The following KIF27 variants were observed in gnomAD, a reference collection of about 807,000 sequenced individuals.
KIF27 encodes kinesin-like protein KIF27.
KIF27 carries 84 observed loss-of-function variants against 141.8 expected under a neutral mutation model. The observed-to-expected ratio is 0.59, with a 90% CI of 0.50 to 0.71. The LOEUF is 0.71. Ranked by LOEUF, KIF27 falls within the 30% of genes least tolerant of loss-of-function variation. The pLI is 0.00. For missense variants in KIF27, 1,306 were observed against 1,628.4 expected (o/e 0.80, Z 3.41); for synonymous variants, 471 against 569.5 (o/e 0.83, Z 2.46).
Position 83,908,534 on chromosome 9 carries a change from G to A in KIF27, c.417C>T (p.Tyr139=), listed in dbSNP as rs1335821601. ...CTAGAAGATCTCTTAGGTCTTCCTT[G>A]TACACTTCTATATAAGATACTTTTA... ...FNVKVSYIEV[Y]KEDLRDLLEL... The change falls in exon 3 of 18, where the codon TAC becomes TAT. Residue 139 remains tyrosine, a synonymous_variant. Transcript: ENST00000297814. 1 of 1,610,052 alleles carries A rather than the reference G, an allele frequency of 6.2e-7. No homozygotes were observed. The highest frequency in any genetic ancestry group is 1.7e-5 in the Admixed American group (1 of 59,944).
chr9:83,887,576 T>C (rs1360361383), intron 8 of KIF27, among the ~76,000 whole-genome samples: 2 of 152,176 alleles, frequency 1.3e-5, no homozygotes, highest in Admixed American at 6.5e-5. Flanking sequence ...ATGCAGACTA[T>C]ACCAGGCTAC....
At chr9:83,872,375 T>C (rs1950868948) in intron 11 of KIF27, among the ~76,000 whole-genome samples, 1 of 152,064 alleles carries the variant, frequency 6.6e-6, no homozygotes, top group South Asian at 2.1e-4. Flanking sequence ...GGTTTAGAAA[T>C]GATGTTGTCC....
At chr9:83,899,930 A>G (rs1221800454) in intron 4 of KIF27, 126 bp from the exon 5 acceptor site, 2 of 706,296 alleles carry the variant, frequency 2.8e-6, no homozygotes, top group Admixed American at 3.2e-5. Context: ...TTTCATTTTC[A>G]ACTTTTTCTG....
chr9:83,859,283 C>A lies in KIF27; in HGVS notation c.3023G>T (p.Ser1008Ile). The A allele has an allele frequency of 6.2e-7, 1 of 1,614,040 alleles. No homozygotes were observed. The highest frequency in any genetic ancestry group is 8.5e-7 in the Non-Finnish European group (1 of 1,179,944). The change falls in exon 14 of 18, where the codon AGT becomes ATT. Residue 1008 changes from serine to isoleucine, a missense_variant. Physicochemically the swap from Ser to Ile is moderately radical, Grantham distance 142. This residue lies in a region of KIF27 where 596 missense variants were observed against 751.6 expected (regional missense o/e 0.79). Transcript: ENST00000297814. ...AATCTTTGTTTTCTCCTCAGCTGTA[C>A]TGGTCTGGAGCTGCACATTCTTTTC... ...LSEKNVQLQTSTAEEKTKISE... is the reference protein window; with the variant it reads ...LSEKNVQLQTITAEEKTKISE...
chr9:83,883,559 G>C (rs1951846155), intron 10 of KIF27, among the ~76,000 whole-genome samples: 1 of 152,152 alleles, frequency 6.6e-6, no homozygotes, highest in Non-Finnish European at 1.5e-5. Context: ...AATAAACACT[G>C]TTTCGTGGTT....
rs1255809372 is a variant in KIF27 at position 83,848,191 on chromosome 9, T to TCTG, written c.3556+1907_3556+1908insCAG. Among the ~76,000 whole-genome samples, 120 of 94,308 alleles carry TCTG rather than the reference T, an allele frequency of 1.3e-3. 23 individuals carry two copies. Among genetic ancestry groups the TCTG allele is most frequent in the East Asian group, 8.9e-3 (31 of 3,496 alleles). The allele number at this position is 94,308 out of a possible 152,430, so 61.9% of individuals were successfully genotyped here. On this transcript the variant is annotated intron_variant, in intron 16 of 17. Transcript: ENST00000297814. ...TATCTGATATATCATATATGATATA[T>TCTG]ATGATATATCAGATATGATATATAT...
In KIF27 at chr9:83,904,001, C is replaced by A; in HGVS notation, c.517G>T (p.Glu173Ter). The change falls in exon 4 of 18, where the codon GAA becomes TAA. Residue 173 changes from glutamate to a stop codon, truncating the protein, a stop_gained. Transcript: ENST00000297814. LOFTEE classifies it high-confidence loss of function. The stretch of plus-strand genomic sequence containing the variant: ...TCACCTGCACTCTCCACATGGCATT[C>A]CTTGGCCCCAACAATCACTTAAAAT... ...KGNTVIVGAK[E>*]CHVESAGEVM... 1.9e-6 allele frequency: 3 copies of A among 1,601,482 alleles called. No homozygotes were observed. Among genetic ancestry groups the A allele is most frequent in the Non-Finnish European group, 2.6e-6 (3 of 1,174,078 alleles).
intron 1 of KIF27, among the ~76,000 whole-genome samples, chr9:83,918,431 C>T (rs1955923763): frequency 6.6e-6 from 1 of 151,832 alleles, no homozygotes; most frequent in South Asian, 2.1e-4. Flanking sequence ...AGTGAAAAGA[C>T]AACTCACTGA....
chr9:83,851,266 C>T (rs1002735096), intron 15 of KIF27, among the ~76,000 whole-genome samples: 9 of 152,216 alleles, frequency 5.9e-5, no homozygotes, highest in African/African-American at 1.4e-4. Context: ...AGTGAGAGGG[C>T]AAAGATTCTT....
chr9:83,864,807 T>G (rs981390460), intron 13 of KIF27, among the ~76,000 whole-genome samples: 3 of 152,172 alleles, frequency 2.0e-5, no homozygotes, highest in African/African-American at 7.2e-5. Flanking sequence ...TGTGTGGGAG[T>G]CTAAGTCTCT....
intron 13 of KIF27, among the ~76,000 whole-genome samples, chr9:83,866,915 A>G (rs1435233411): frequency 6.6e-6 from 1 of 152,054 alleles, no homozygotes; most frequent in African/African-American, 2.4e-5. Context: ...ACAGTTATGT[A>G]ACCATCACCA....
At chr9:83,864,862 T>C (rs1166186361) in intron 13 of KIF27, among the ~76,000 whole-genome samples, 2 of 152,058 alleles carry the variant, frequency 1.3e-5, no homozygotes, top group Non-Finnish European at 2.9e-5. Context: ...GGTGCCCCTA[T>C]ATTGGGTGCA....
At chr9:83,913,986 T>A (rs1447514048) in intron 2 of KIF27, among the ~76,000 whole-genome samples, 1 of 152,062 alleles carries the variant, frequency 6.6e-6, no homozygotes, top group African/African-American at 2.4e-5. Flanking sequence ...TTCTTAATGG[T>A]CCTCTATTTC....
At chr9:83,861,268 G>A (rs981900541) in intron 13 of KIF27, among the ~76,000 whole-genome samples, 1 of 151,880 alleles carries the variant, frequency 6.6e-6, no homozygotes, top group African/African-American at 2.4e-5. Context: ...CCATGTTGGT[G>A]TGCTGCACCC....
chr9:83,879,316 G>A (rs1951485986), intron 11 of KIF27, among the ~76,000 whole-genome samples: 1 of 151,176 alleles, frequency 6.6e-6, no homozygotes, highest in African/African-American at 2.4e-5. Flanking sequence ...GCTGAATTCT[G>A]TGATTTTTTT....
Position 83,903,476 on chromosome 9 carries a change from T to A in KIF27, c.1042A>T (p.Asn348Tyr). 6.2e-7 allele frequency: 1 copy of A among 1,614,156 alleles called. No individual in the cohort carries two copies. Among genetic ancestry groups the A allele is most frequent in the Non-Finnish European group, 8.5e-7 (1 of 1,180,026 alleles). Residue 348 changes from asparagine (N) to tyrosine (Y), a missense_variant, in exon 4 of 18, where the codon AAC (asparagine) becomes TAC (tyrosine). Asn to Tyr is a moderately radical substitution (Grantham distance 143). This residue lies in a region of KIF27 where 533 missense variants were observed against 565.6 expected (regional missense o/e 0.94). Transcript: ENST00000297814. ...ATACGGTCTGACTCGGGGCTGAAGTTTACAGTGGGTTTGTTTCTAATGTTC... is the reference window on the plus strand; with the variant it reads ...ATACGGTCTGACTCGGGGCTGAAGTATACAGTGGGTTTGTTTCTAATGTTC... ...ARNIRNKPTV[N>Y]FSPESDRIDE...
chr9:83,918,991 G>A (rs751440893), intron 1 of KIF27, among the ~76,000 whole-genome samples: 42 of 152,004 alleles, frequency 2.8e-4, no homozygotes, highest in Non-Finnish European at 4.9e-4. Context: ...CAGGAGAATC[G>A]CTTGAACCCA....
Position 83,837,434 on chromosome 9 carries a change from G to A in KIF27, c.3773C>T (p.Ser1258Leu), listed in dbSNP as rs1946005577. 1 of 1,613,392 alleles carries A rather than the reference G, an allele frequency of 6.2e-7. No homozygotes were observed. Among genetic ancestry groups the A allele is most frequent in the Non-Finnish European group, 8.5e-7 (1 of 1,179,784 alleles). ...VLKPEGGGML[S>L]EELKWASRPE... Reference sequence around the variant, plus strand: ...TCTGGATGCCCATTTTAATTCTTCTGAAAGCATGCCTCCTCCTTCTGGCTT... The same window carrying A: ...TCTGGATGCCCATTTTAATTCTTCTAAAAGCATGCCTCCTCCTTCTGGCTT... Residue 1258 changes from serine to leucine, a missense_variant, in exon 18 of 18, where the codon TCA becomes TTA. Around this residue, in one of 4 missense-constraint regions of KIF27, gnomAD observed 148 missense variants for 250.9 expected, o/e 0.59. Transcript: ENST00000297814.
intron 5 of KIF27, among the ~76,000 whole-genome samples, chr9:83,892,423 A>G (rs1952772024): frequency 6.6e-6 from 1 of 152,132 alleles, no homozygotes; most frequent in Non-Finnish European, 1.5e-5. Context: ...TCTCTAGGAT[A>G]ACCACTAAAA....
Sources: gnomAD v4.1 joint callset for allele counts (sites outside exome capture counted in the v4.1 genomes callset) on GRCh38, gnomAD v4.1.1 for gene constraint, gnomAD v4.1.1 regional missense constraint, MANE v1.5 for transcripts, NCBI Gene and HGNC (gene_info 2026-07-23, HGNC 2026-07-21) for gene names.